KANSL1L: variants seen among roughly 807,000 people sequenced by gnomAD.
The protein encoded by KANSL1L is KAT8 regulatory NSL complex subunit 1-like protein.
A neutral mutation model predicts 108.6 loss-of-function variants in KANSL1L; 25 were observed. The observed-to-expected ratio is 0.23, with a 90% confidence interval of 0.17 to 0.32. The LOEUF (loss-of-function observed/expected upper bound fraction) is 0.32. KANSL1L is among the 10% of genes least tolerant of loss of function. The pLI, the probability that KANSL1L is intolerant of heterozygous loss-of-function variation, is 1.00. For missense variants in KANSL1L, 1,137 were observed against 1,125.7 expected (o/e 1.01, Z -0.14); for synonymous variants, 405 against 395.1 (o/e 1.03, Z -0.30).
chr2:210,162,240 A>ATATATATATATATATATG (rs1196823363), intron 1 of KANSL1L, among the ~76,000 whole-genome samples: 18 of 143,922 alleles, frequency 1.3e-4, no homozygotes, highest in Admixed American at 2.1e-4. Flanking sequence ...ATATATATAT[A>ATATATATATATATATATG]TATGTATATC....
chr2:210,029,437 T>G (rs180954686), intron 10 of KANSL1L, among the ~76,000 whole-genome samples: 1 of 152,072 alleles, frequency 6.6e-6, no homozygotes, highest in African/African-American at 2.4e-5. Context: ...GACCTCTCTA[T>G]TCCCTGGCCA....
Position 210,038,178 on chromosome 2 carries a change from A to G in KANSL1L, c.2029+2242T>C, listed in dbSNP as rs572014185. Among the ~76,000 whole-genome samples the G allele has an allele frequency of 4.1e-4, 62 of 152,174 alleles. 1 individual carries two copies. In the South Asian group the frequency reaches 0.012, roughly 29 times the overall value. ...TTTTCATTATCACAAAAACATGTTA[A>G]GATGAATACAGTTGCGAAAAAAGCT... On this transcript the variant is annotated intron_variant, in intron 8 of 14. Transcript: ENST00000281772.
chr2:210,165,768 T>C (rs748068514), intron 1 of KANSL1L, among the ~76,000 whole-genome samples: 19 of 152,234 alleles, frequency 1.2e-4, no homozygotes, highest in Admixed American at 8.5e-4. Flanking sequence ...TGAGTTACTA[T>C]TAGTTGTTCT....
intron 5 of KANSL1L, among the ~76,000 whole-genome samples, chr2:210,083,667 A>C (rs1326338654): frequency 6.6e-6 from 1 of 151,886 alleles, no homozygotes; most frequent in Non-Finnish European, 1.5e-5. Flanking sequence ...TCTCTACTAA[A>C]CATACAAAAA....
chr2:210,043,621 C>T (rs905404698), intron 7 of KANSL1L: 1 of 188,884 alleles, frequency 5.3e-6, no homozygotes, highest in Admixed American at 6.1e-5. Context: ...TACCATTACT[C>T]AGAAACATTT....
intron 3 of KANSL1L, among the ~76,000 whole-genome samples, chr2:210,124,438 T>A (rs1370043666): frequency 6.6e-6 from 1 of 150,530 alleles, no homozygotes; most frequent in Non-Finnish European, 1.5e-5. Context: ...TAGAAAACAG[T>A]TAGAAATAAA....
Position 210,029,933 on chromosome 2 carries a change from A to C in KANSL1L, c.2156-15T>G. On this transcript the variant is annotated splice_polypyrimidine_tract_variant and intron_variant, in intron 9 of 14. Coordinates refer to ENST00000281772, the MANE Select transcript of KANSL1L (RefSeq NM_152519.4). ...AGTTCTTTCTCCTGCCATGGAAAGAACCATTGAATGTTACACATTAAACAA... is the reference window on the plus strand; with the variant it reads ...AGTTCTTTCTCCTGCCATGGAAAGACCCATTGAATGTTACACATTAAACAA... 7.6e-7 allele frequency: 1 copy of C among 1,318,534 alleles called. No individual in the cohort carries two copies. The highest frequency in any genetic ancestry group is 1.1e-6 in the Non-Finnish European group (1 of 917,582). The allele number at this position is 1,318,534 out of a possible 1,614,324, so 81.7% of individuals were successfully genotyped here.
intron 4 of KANSL1L, among the ~76,000 whole-genome samples, chr2:210,103,037 A>G (rs1234986603): frequency 6.6e-6 from 1 of 152,204 alleles, no homozygotes; most frequent in Non-Finnish European, 1.5e-5. Context: ...TTGAGGCACT[A>G]TTCACAATAG....
chr2:210,022,340 A>G lies in KANSL1L; in HGVS notation c.*609T>C, dbSNP rs1004527988. ...ACAACAACAAAAAACTTCTGTCTCTATATTCAGGACGTTCAGATGTCTTTT... is the reference window on the plus strand; with the variant it reads ...ACAACAACAAAAAACTTCTGTCTCTGTATTCAGGACGTTCAGATGTCTTTT... On this transcript the variant is annotated 3_prime_UTR_variant, in exon 15 of 15. Transcript: ENST00000281772. 1.1e-4 allele frequency: 17 copies of G among 152,626 alleles called. No individual in the cohort carries two copies. The highest frequency in any genetic ancestry group is 3.9e-4 in the African/African-American group (16 of 41,556). 9.5% of individuals were successfully genotyped at this position (152,626 alleles called of 1,614,324 possible). A position where few individuals can be genotyped will look rare whatever the true frequency, so the allele number is the denominator to read the frequency against.
intron 8 of KANSL1L, among the ~76,000 whole-genome samples, chr2:210,039,648 A>G (rs2094143524): frequency 6.6e-6 from 1 of 151,872 alleles, no homozygotes; most frequent in Non-Finnish European, 1.5e-5. Context: ...ATTGCTTCCA[A>G]GCATAGAACT....
chr2:210,035,365 G>A (rs2094086985), intron 8 of KANSL1L: 1 of 152,148 alleles, frequency 6.6e-6, no homozygotes, highest in Non-Finnish European at 1.5e-5. Context: ...AATCAGCAAT[G>A]CCATTGTAAA....
chr2:210,162,063 TAA>T (rs779066763), intron 1 of KANSL1L, among the ~76,000 whole-genome samples: 41 of 112,802 alleles, frequency 3.6e-4, no homozygotes, highest in East Asian at 7.7e-4. Context: ...TGTCTCTATT[TAA>T]AAAAAAAAAA....
At chr2:210,108,626 C>T (rs1311660233) in intron 3 of KANSL1L, among the ~76,000 whole-genome samples, 1 of 151,906 alleles carries the variant, frequency 6.6e-6, no homozygotes, top group Non-Finnish European at 1.5e-5. Flanking sequence ...CTATAAAAAA[C>T]GTGTGAAATT....
chr2:210,117,297 G>A (rs2094963964), intron 3 of KANSL1L, among the ~76,000 whole-genome samples: 2 of 152,164 alleles, frequency 1.3e-5, no homozygotes, highest in Admixed American at 1.3e-4. Flanking sequence ...CCTTTAAGGG[G>A]AGGAAGAGAA....
At chr2:210,061,730 G>T (rs2094422061) in intron 6 of KANSL1L, among the ~76,000 whole-genome samples, 2 of 152,146 alleles carry the variant, frequency 1.3e-5, no homozygotes, top group African/African-American at 4.8e-5. Context: ...GACAGCAAAA[G>T]ATATGATTCT....
At chr2:210,057,440 G>A (rs898938839) in intron 6 of KANSL1L, among the ~76,000 whole-genome samples, 3 of 152,050 alleles carry the variant, frequency 2.0e-5, no homozygotes, top group Non-Finnish European at 2.9e-5. Flanking sequence ...TGTGGCTCAC[G>A]CCTGTAATCC....
At chr2:210,081,679 G>T (rs1240092040) in intron 5 of KANSL1L, among the ~76,000 whole-genome samples, 2 of 152,064 alleles carry the variant, frequency 1.3e-5, no homozygotes, top group Admixed American at 6.6e-5. Context: ...ATTATTTGTT[G>T]AGGGAATGGA....
intron 13 of KANSL1L, 87 bp from the exon 14 acceptor site, chr2:210,024,288 A>G (rs922603314): frequency 3.1e-5 from 32 of 1,024,700 alleles, no homozygotes; most frequent in Non-Finnish European, 4.2e-5. Context: ...CACTGAGTCA[A>G]GTTAACTTGG....
chr2:210,036,792 T>G (rs910183694), intron 8 of KANSL1L, among the ~76,000 whole-genome samples: 1 of 152,208 alleles, frequency 6.6e-6, no homozygotes. Context: ...GGTCTCACTT[T>G]GTCACCCACC....
Sources: gnomAD v4.1 joint callset for allele counts (sites outside exome capture counted in the v4.1 genomes callset) on GRCh38, gnomAD v4.1.1 for gene constraint, MANE v1.5 for transcripts, NCBI Gene and HGNC (gene_info 2026-07-23, HGNC 2026-07-21) for gene names.